CMYA5: variants seen among roughly 807,000 people sequenced by gnomAD.
The protein encoded by CMYA5 is cardiomyopathy associated 5, also known as cardiomyopathy-associated protein 5.
In CMYA5, 246 loss-of-function variants were observed where a neutral mutation model predicts 318.9. The observed-to-expected ratio is 0.77, with a 90% CI of 0.70 to 0.86. The LOEUF is 0.86. Ranked by LOEUF, CMYA5 falls within the 40% of genes least tolerant of loss-of-function variation. The pLI, the probability that CMYA5 is intolerant of heterozygous loss-of-function variation, is 0.00. For synonymous variants in CMYA5, 1,641 were observed against 1,729.5 expected (o/e 0.95, Z 1.27); for missense variants, 4,589 against 4,678.2 (o/e 0.98, Z 0.56).
At chr5:79,744,978 T>A (rs1050846269) in intron 3 of CMYA5, among the ~76,000 whole-genome samples, 2 of 152,168 alleles carry the variant, frequency 1.3e-5, no homozygotes, top group Non-Finnish European at 2.9e-5. Flanking sequence ...ATATATATAT[T>A]TTGTATTATG....
intron 1 of CMYA5, among the ~76,000 whole-genome samples, chr5:79,693,997 A>G (rs946458692): frequency 3.3e-5 from 5 of 152,212 alleles, no homozygotes; most frequent in Non-Finnish European, 7.3e-5. Flanking sequence ...TTCTAGGCAA[A>G]GGGATGACCA....
At chr5:79,690,129 T>G in intron 1 of CMYA5, 73 bp downstream of exon 1, 1 of 1,375,836 alleles carries the variant, frequency 7.3e-7, no homozygotes, top group African/African-American at 1.5e-5. Context: ...TTGCTTTAAG[T>G]TTTTAAGCTC....
rs1827963517 is a variant in CMYA5, at chr5:79,733,300, A to G, written c.4535A>G (p.Gln1512Arg). 1 of 1,613,678 alleles carries G rather than the reference A, an allele frequency of 6.2e-7. No homozygotes were observed. ...GACTCTGAACGTTTGGTTTCATCAC[A>G]GAAGAAGAGCTTGATGTCTACCTCA... ...VCDSERLVSS[Q>R]KKSLMSTSEV... The change falls in exon 2 of 13, where the codon CAG (glutamine) becomes CGG (arginine). Residue 1512 changes from glutamine (Q) to arginine (R), a missense_variant. This residue lies in a region of CMYA5 where 2,132 missense variants were observed against 2,131.3 expected (regional missense o/e 1.00). Coordinates refer to ENST00000446378, the MANE Select transcript of CMYA5 (RefSeq NM_153610.5).
chr5:79,699,231 G>A (rs1261717374), intron 1 of CMYA5, among the ~76,000 whole-genome samples: 1 of 152,070 alleles, frequency 6.6e-6, no homozygotes, highest in Admixed American at 6.6e-5. Flanking sequence ...TGAGTACTGG[G>A]TTTCACTATA....
At chr5:79,785,344 G>A (rs1829064732) in intron 9 of CMYA5, among the ~76,000 whole-genome samples, 1 of 151,816 alleles carries the variant, frequency 6.6e-6, no homozygotes, top group African/African-American at 2.4e-5. Context: ...CTGACTATTT[G>A]TTATTTTTAG....
Position 79,690,026 on chromosome 5 carries a change from C to G in CMYA5, c.119C>G (p.Ala40Gly). 2 of 1,472,596 alleles carry G rather than the reference C, an allele frequency of 1.4e-6. No homozygotes were observed. The highest frequency in any genetic ancestry group is 9.0e-7 in the Non-Finnish European group (1 of 1,106,816). 91.2% of individuals were successfully genotyped at this position (1,472,596 alleles called of 1,614,324 possible). Reference sequence around the variant, plus strand: ...TCGGAGGGCGAGGAGGACGAGACGGCGGCGGAGTCGGAGGAGGAGCCGGAC... The same window carrying G: ...TCGGAGGGCGAGGAGGACGAGACGGGGGCGGAGTCGGAGGAGGAGCCGGAC... ...EESEGEEDETAAESEEEPDSR... is the reference protein window; with the variant it reads ...EESEGEEDETGAESEEEPDSR... Residue 40 changes from alanine to glycine, a missense_variant, in exon 1 of 13, where the codon GCG becomes GGG. Physicochemically the swap from Ala to Gly is moderately conservative, Grantham distance 60 (BLOSUM62 0). Around this residue, in one of 3 missense-constraint regions of CMYA5, gnomAD observed 2,132 missense variants for 2,131.3 expected, o/e 1.00. Transcript: ENST00000446378.
At chr5:79,709,175 T>C (rs1827333966) in intron 1 of CMYA5, among the ~76,000 whole-genome samples, 1 of 151,994 alleles carries the variant, frequency 6.6e-6, no homozygotes, top group Non-Finnish European at 1.5e-5. Context: ...ACACTACTGA[T>C]AGGAATGCAA....
chr5:79,797,701 T>C (rs115595295), intron 12 of CMYA5, among the ~76,000 whole-genome samples: 80 of 152,328 alleles, frequency 5.3e-4, no homozygotes, highest in African/African-American at 1.8e-3. Flanking sequence ...GTCTAGTGGC[T>C]ACTATATTAG....
chr5:79,689,882 GC>G lies in CMYA5; in HGVS notation c.-22del. The G allele has an allele frequency of 1.4e-6, 1 of 713,068 alleles. No individual in the cohort carries two copies. The allele number at this position is 713,068 out of a possible 1,614,324, so 44.2% of individuals were successfully genotyped here. On this transcript the variant is annotated 5_prime_UTR_variant, in exon 1 of 13. Transcript: ENST00000446378. ...CGCGGCGCGGGCGGCTCCGGCTCCG[GC>G]CCCGGCCCAGGCCCGGGAGAGGCGA...
intron 12 of CMYA5, among the ~76,000 whole-genome samples, chr5:79,794,913 G>A (rs1829248550): frequency 6.6e-6 from 1 of 152,130 alleles, no homozygotes; most frequent in South Asian, 2.1e-4. Flanking sequence ...ATTCAGTGCT[G>A]TGCAATGCAT....
intron 1 of CMYA5, among the ~76,000 whole-genome samples, chr5:79,727,844 A>G (rs1396034449): frequency 6.6e-6 from 1 of 152,216 alleles, no homozygotes; most frequent in Non-Finnish European, 1.5e-5. Context: ...GAGCGGCCAA[A>G]GCCAGCCATC....
chr5:79,766,648 A>AT (rs1296960729), intron 9 of CMYA5, among the ~76,000 whole-genome samples: 1 of 152,196 alleles, frequency 6.6e-6, no homozygotes, highest in Admixed American at 6.5e-5. Flanking sequence ...CATCCCAGGG[A>AT]TCAAGCTGAT....
intron 1 of CMYA5, among the ~76,000 whole-genome samples, chr5:79,697,884 T>C (rs1391494318): frequency 1.3e-5 from 2 of 152,204 alleles, no homozygotes; most frequent in Non-Finnish European, 2.9e-5. Context: ...TAGCTAATCT[T>C]GACTAGCATC....
At chr5:79,701,239 T>C (rs913920093) in intron 1 of CMYA5, among the ~76,000 whole-genome samples, 9 of 151,836 alleles carry the variant, frequency 5.9e-5, no homozygotes, top group Non-Finnish European at 1.0e-4. Context: ...CTGTCTCAAA[T>C]AAACAAACAA....
chr5:79,701,922 T>C (rs1310459916), intron 1 of CMYA5, among the ~76,000 whole-genome samples: 1 of 151,328 alleles, frequency 6.6e-6, no homozygotes, highest in Admixed American at 6.6e-5. Context: ...GGTCAGGAGA[T>C]GGAGACCATC....
At chr5:79,752,463 A>G (rs1676517584) in intron 5 of CMYA5, among the ~76,000 whole-genome samples, 1 of 152,242 alleles carries the variant, frequency 6.6e-6, no homozygotes, top group African/African-American at 2.4e-5. Context: ...GGATATAGGA[A>G]TGAAATTTCC....
chr5:79,690,078 G>A (rs1239488566), intron 1 of CMYA5, 22 bp downstream of exon 1: 1 of 1,406,660 alleles, frequency 7.1e-7, no homozygotes, highest in Non-Finnish European at 9.3e-7. Flanking sequence ...CTCTCTCCTC[G>A]GCCCAGGGCC....
intron 2 of CMYA5, among the ~76,000 whole-genome samples, chr5:79,742,731 T>A (rs1828242870): frequency 6.6e-6 from 1 of 150,786 alleles, no homozygotes; most frequent in South Asian, 2.1e-4. Context: ...TCCCATTGTG[T>A]GTCAGGAACT....
intron 1 of CMYA5, among the ~76,000 whole-genome samples, chr5:79,719,501 T>C (rs976197725): frequency 1.3e-5 from 2 of 152,184 alleles, no homozygotes; most frequent in Admixed American, 1.3e-4. Context: ...AATTCATTTT[T>C]TGAGAGCTGG....
Sources: gnomAD v4.1 joint callset for allele counts (sites outside exome capture counted in the v4.1 genomes callset) on GRCh38, gnomAD v4.1.1 for gene constraint, gnomAD v4.1.1 regional missense constraint, MANE v1.5 for transcripts, NCBI Gene and HGNC (gene_info 2026-07-23, HGNC 2026-07-21) for gene names.